The following MSR1 variants were observed in gnomAD, a reference collection of about 807,000 sequenced individuals.
The protein encoded by MSR1 is macrophage scavenger receptor types I and II.
Under a neutral mutation model 47.2 loss-of-function variants are expected in MSR1, and 53 were observed. The ratio of observed to expected loss-of-function variants is 1.12; its 90% CI spans 0.90 to 1.41. The LOEUF (loss-of-function observed/expected upper bound fraction) is 1.41, where lower values mean the gene tolerates loss of function less well. Ranked by LOEUF, MSR1 falls within the 40% of genes most tolerant of loss-of-function variation. The pLI, the probability that MSR1 is intolerant of heterozygous loss-of-function variation, is 0.00. For missense variants in MSR1, 786 were observed against 546.9 expected (o/e 1.44, Z -4.36); for synonymous variants, 239 against 185.6 (o/e 1.29, Z -2.34).
intron 9 of MSR1, among the ~76,000 whole-genome samples, chr8:16,114,553 C>T (rs1799833099): frequency 6.6e-6 from 1 of 152,004 alleles, no homozygotes; most frequent in East Asian, 1.9e-4. Flanking sequence ...CTGGGAAAGC[C>T]TGGATACGGG....
intron 1 of MSR1, among the ~76,000 whole-genome samples, chr8:16,178,550 C>T (rs900213287): frequency 7.9e-5 from 12 of 151,916 alleles, no homozygotes; most frequent in South Asian, 2.1e-4. Flanking sequence ...TGAATAGTGC[C>T]GCCGCAATAA....
intron 1 of MSR1, among the ~76,000 whole-genome samples, chr8:16,181,464 C>A (rs2117220831): frequency 6.6e-6 from 1 of 152,120 alleles, no homozygotes; most frequent in East Asian, 1.9e-4. Flanking sequence ...GAATACTATG[C>A]AGCCATAAAA....
chr8:16,157,471 G>T (rs1411946813), intron 5 of MSR1, among the ~76,000 whole-genome samples: 1 of 151,804 alleles, frequency 6.6e-6, no homozygotes, highest in Non-Finnish European at 1.5e-5. Flanking sequence ...AAAGATTTTT[G>T]TTAGAGTTCT....
At chr8:16,168,357 G>A (rs1349297497) in intron 4 of MSR1, 101 bp downstream of exon 4, 1 of 1,176,102 alleles carries the variant, frequency 8.5e-7, no homozygotes, top group African/African-American at 1.5e-5. Flanking sequence ...ACAGGATGAT[G>A]AAACAGGGTT....
At chr8:16,138,252 A>T (rs1420862596) in intron 8 of MSR1, among the ~76,000 whole-genome samples, 1 of 152,138 alleles carries the variant, frequency 6.6e-6, no homozygotes, top group Non-Finnish European at 1.5e-5. Context: ...TTGGTAATTG[A>T]GATATTTAGG....
chr8:16,119,148 C>T (rs977843036), intron 9 of MSR1, among the ~76,000 whole-genome samples: 1 of 152,190 alleles, frequency 6.6e-6, no homozygotes, highest in African/African-American at 2.4e-5. Flanking sequence ...CTCCTCTCTT[C>T]ATGAAATTAA....
chr8:16,187,548 T>C (rs1346762685), intron 1 of MSR1, among the ~76,000 whole-genome samples: 1 of 152,010 alleles, frequency 6.6e-6, no homozygotes, highest in Non-Finnish European at 1.5e-5. Context: ...ATCTGTCTTC[T>C]CTCATCCAAG....
chr8:16,175,177 G>A lies in MSR1; in HGVS notation c.217+10C>T, dbSNP rs2117201613. The A allele has an allele frequency of 1.9e-6, 3 of 1,609,870 alleles. No individual in the cohort carries two copies. The highest frequency in any genetic ancestry group is 2.6e-6 in the Non-Finnish European group (3 of 1,176,320). The stretch of plus-strand genomic sequence containing the variant: ...GAGTTACTAAATTTCAAAACTCTGG[G>A]TTACGTTACCTGCCACTATTCCAAT... On this transcript the variant is annotated intron_variant, in intron 3 of 9. Transcript: ENST00000262101.
intron 8 of MSR1, among the ~76,000 whole-genome samples, chr8:16,137,905 T>A (rs1358096523): frequency 1.3e-4 from 20 of 151,584 alleles, no homozygotes; most frequent in Non-Finnish European, 1.5e-5. Context: ...GGTGGGAGGA[T>A]CATTTAAGCC....
chr8:16,188,346 A>T (rs1260309935), intron 1 of MSR1, among the ~76,000 whole-genome samples: 2 of 152,028 alleles, frequency 1.3e-5, no homozygotes, highest in East Asian at 1.9e-4. Context: ...AAGGAAAAAA[A>T]CCCTTAATTT....
At chr8:16,190,168 G>T (rs1478324559) in intron 1 of MSR1, among the ~76,000 whole-genome samples, 2 of 151,852 alleles carry the variant, frequency 1.3e-5, no homozygotes, top group African/African-American at 4.8e-5. Context: ...AAAGTGCTGG[G>T]ATTACAGATG....
chr8:16,132,545 T>C (rs1342392214), intron 8 of MSR1, among the ~76,000 whole-genome samples: 2 of 152,130 alleles, frequency 1.3e-5, no homozygotes, highest in African/African-American at 4.8e-5. Flanking sequence ...TGGAGTGCAG[T>C]GGCATGATCT....
intron 1 of MSR1, among the ~76,000 whole-genome samples, chr8:16,191,409 G>T (rs1802196409): frequency 6.6e-6 from 1 of 152,004 alleles, no homozygotes; most frequent in Non-Finnish European, 1.5e-5. Flanking sequence ...TGTAAAATAT[G>T]ATCACAATAT....
intron 5 of MSR1, among the ~76,000 whole-genome samples, chr8:16,157,106 G>A (rs1417427548): frequency 6.6e-6 from 1 of 151,976 alleles, no homozygotes; most frequent in Non-Finnish European, 1.5e-5. Flanking sequence ...AAAGATTTCA[G>A]TTTAGTAACT....
intron 6 of MSR1, among the ~76,000 whole-genome samples, chr8:16,152,833 G>T (rs1800897720): frequency 6.6e-6 from 1 of 151,964 alleles, no homozygotes; most frequent in African/African-American, 2.4e-5. Context: ...TGAATTCAGA[G>T]ATTCTGTATC....
intron 6 of MSR1, among the ~76,000 whole-genome samples, chr8:16,151,417 G>C (rs1800855729): frequency 6.6e-6 from 1 of 152,154 alleles, no homozygotes; most frequent in Non-Finnish European, 1.5e-5. Context: ...TGTTCTTGGA[G>C]ATGGTTAAGC....
intron 8 of MSR1, among the ~76,000 whole-genome samples, chr8:16,134,046 A>G (rs1301756800): frequency 6.6e-6 from 1 of 152,232 alleles, no homozygotes; most frequent in Admixed American, 6.5e-5. Context: ...TTCATCTTCA[A>G]TATTTTCTTA....
intron 3 of MSR1, among the ~76,000 whole-genome samples, chr8:16,169,753 T>C (rs1801427424): frequency 6.6e-6 from 1 of 151,868 alleles, no homozygotes; most frequent in Non-Finnish European, 1.5e-5. Flanking sequence ...CAAAAATAAT[T>C]TTAAAAACTC....
intron 4 of MSR1, among the ~76,000 whole-genome samples, chr8:16,166,164 C>CTTTTT (rs397892292): frequency 2.8e-5 from 2 of 71,302 alleles, no homozygotes; most frequent in African/African-American, 5.6e-5. Flanking sequence ...CTTTTTCTTT[C>CTTTTT]TTTTTTTTTT....
Sources: gnomAD v4.1 joint callset for allele counts (sites outside exome capture counted in the v4.1 genomes callset) on GRCh38, gnomAD v4.1.1 for gene constraint, MANE v1.5 for transcripts, NCBI Gene and HGNC (gene_info 2026-07-23, HGNC 2026-07-21) for gene names.